Variants in SLC9C2 observed in about 807,000 individuals in gnomAD.
SLC9C2 encodes the protein sodium/hydrogen exchanger 11.
In SLC9C2, 75 loss-of-function variants were observed where a neutral mutation model predicts 140.2. The observed-to-expected ratio is 0.53, with a 90% CI of 0.44 to 0.65. The LOEUF (loss-of-function observed/expected upper bound fraction) is 0.65, where lower values mean the gene tolerates loss of function less well. Ranked by LOEUF, SLC9C2 falls within the 30% of genes least tolerant of loss-of-function variation. The pLI is 0.00. For synonymous variants in SLC9C2, 375 were observed against 420.9 expected (o/e 0.89, Z 1.34); for missense variants, 1,074 against 1,331.8 (o/e 0.81, Z 3.01).
intron 8 of SLC9C2, among the ~76,000 whole-genome samples, chr1:173,575,280 C>T (rs1437340733): frequency 6.6e-6 from 1 of 152,096 alleles, no homozygotes; most frequent in South Asian, 2.1e-4. Flanking sequence ...GACTTATTTT[C>T]GTGGCCCCAG....
In SLC9C2 at chr1:173,581,963, A is replaced by G. The variant is rs142884761; in HGVS notation, c.686T>C (p.Ile229Thr). The part of the protein sequence containing the change: ...IELSYDILGS[I>T]IFGYWCAKII... ...TTTTGCACACCAATATCCAAATATT[A>G]TGCTTCCCAAAATGTCATAGCTGAG... The change falls in exon 7 of 28, where the codon ATA becomes ACA. Residue 229 changes from isoleucine to threonine, a missense_variant. Transcript: ENST00000367714. 107 of 1,599,430 alleles carry G rather than the reference A, an allele frequency of 6.7e-5. No individual in the cohort carries two copies. Among genetic ancestry groups the G allele is most frequent in the Non-Finnish European group, 8.9e-5 (104 of 1,170,914 alleles).
intron 13 of SLC9C2, among the ~76,000 whole-genome samples, chr1:173,544,035 A>T (rs1662645040): frequency 1.3e-5 from 2 of 152,234 alleles, no homozygotes; most frequent in Non-Finnish European, 2.9e-5. Context: ...GAGCTTCTGC[A>T]CAGCAAAAGA....
intron 3 of SLC9C2, among the ~76,000 whole-genome samples, chr1:173,599,465 C>T (rs942910164): frequency 6.9e-6 from 1 of 145,358 alleles, no homozygotes; most frequent in African/African-American, 2.5e-5. Flanking sequence ...AGCTCCGTCT[C>T]CTGGGTTCAC....
rs1286223129 is a variant in SLC9C2 at position 173,537,018 on chromosome 1, T to TA, written c.1578dup (p.Asn527Ter). The TA allele has an allele frequency of 6.2e-7, 1 of 1,613,688 alleles. No individual in the cohort carries two copies. Among genetic ancestry groups the TA allele is most frequent in the Non-Finnish European group, 8.5e-7 (1 of 1,179,738 alleles). The stretch of plus-strand genomic sequence containing the variant: ...GCCTCTATTTCAAGAATTCCATTGT[T>TA]ACGCTGTTTTTCAAAGCTACTCTAA... On this transcript the variant is annotated frameshift_variant, in exon 14 of 28. Coordinates refer to ENST00000367714, the MANE Select transcript of SLC9C2 (RefSeq NM_178527.4). LOFTEE classifies it high-confidence loss of function.
chr1:173,597,061 T>G (rs1039463268), intron 4 of SLC9C2, among the ~76,000 whole-genome samples: 3 of 151,848 alleles, frequency 2.0e-5, no homozygotes, highest in Admixed American at 6.6e-5. Flanking sequence ...AACAATCTAC[T>G]GAACAAATTT....
chr1:173,569,858 C>T (rs142966586), intron 9 of SLC9C2, among the ~76,000 whole-genome samples: 46 of 152,222 alleles, frequency 3.0e-4, no homozygotes, highest in Non-Finnish European at 5.9e-4. Flanking sequence ...ATTGTGATTA[C>T]GCTGGTATTC....
chr1:173,514,084 T>C (rs1390009005), intron 23 of SLC9C2, among the ~76,000 whole-genome samples: 1 of 151,986 alleles, frequency 6.6e-6, no homozygotes. Context: ...TCCAATTCTG[T>C]GGTTGATTTT....
chr1:173,596,632 T>A (rs909858640), intron 4 of SLC9C2: 2 of 152,090 alleles, frequency 1.3e-5, no homozygotes, highest in Non-Finnish European at 2.9e-5. Flanking sequence ...TTACAATAAA[T>A]ACTAATGGAC....
In SLC9C2 at chr1:173,537,038, C is replaced by G; in HGVS notation, c.1559G>C (p.Ser520Thr). ...ATTGTTACGCTGTTTTTCAAAGCTA[C>G]TCTAAACATACATTAAATGAAGATT... ...ARLHVAAIQM[S>T]SFEKQRNNGI... The change falls in exon 14 of 28, where the codon AGT becomes ACT. Residue 520 changes from serine (S) to threonine (T), a missense_variant and splice_region_variant. Transcript: ENST00000367714. The G allele has an allele frequency of 6.2e-7, 1 of 1,609,584 alleles. No homozygotes were observed. The highest frequency in any genetic ancestry group is 1.7e-4 in the Middle Eastern group (1 of 6,012).
intron 19 of SLC9C2, 79 bp downstream of exon 19, chr1:173,526,584 A>C (rs1231947304): frequency 8.0e-7 from 1 of 1,248,526 alleles, no homozygotes; most frequent in Non-Finnish European, 1.1e-6. Context: ...AGTAAATGAA[A>C]GCATGAATTG....
At position 173,519,801 on chromosome 1, in the gene SLC9C2, T is replaced by C. The variant is rs2101939775; in HGVS notation, c.2739+1500A>G. 4.6e-5 allele frequency among the ~76,000 whole-genome samples: 7 copies of C among 152,208 alleles called. 2 individuals are homozygous for C. The highest frequency in any genetic ancestry group is 4.6e-4 in the Admixed American group (7 of 15,286). On this transcript the variant is annotated intron_variant, in intron 22 of 27. Coordinates refer to ENST00000367714, the MANE Select transcript of SLC9C2 (RefSeq NM_178527.4). ...GTAATCTTTGGCCTCTGAGTATGTG[T>C]AGTTGGGGCCAAGTGAATTTTTTTT...
At chr1:173,526,128 C>T (rs1661176286) in intron 19 of SLC9C2, among the ~76,000 whole-genome samples, 1 of 151,150 alleles carries the variant, frequency 6.6e-6, no homozygotes, top group African/African-American at 2.5e-5. Flanking sequence ...GGCCCACAGC[C>T]CCCCATGAGA....
At chr1:173,552,742 T>C (rs1571543880) in intron 11 of SLC9C2, among the ~76,000 whole-genome samples, 1 of 152,254 alleles carries the variant, frequency 6.6e-6, no homozygotes, top group African/African-American at 2.4e-5. Context: ...CACTTAGTCA[T>C]GCAAGAGCTC....
At chr1:173,546,952 C>G (rs1305901490) in intron 13 of SLC9C2, among the ~76,000 whole-genome samples, 1 of 152,016 alleles carries the variant, frequency 6.6e-6, no homozygotes, top group Non-Finnish European at 1.5e-5. Context: ...TAGGATGCAG[C>G]AGGTATTGGT....
chr1:173,501,638 G>T (rs1659281079), intron 27 of SLC9C2, among the ~76,000 whole-genome samples: 1 of 150,760 alleles, frequency 6.6e-6, no homozygotes, highest in South Asian at 2.1e-4. Flanking sequence ...AGCCTCCTGA[G>T]TAGCTGGAAC....
At chr1:173,544,972 G>A (rs377719508) in intron 13 of SLC9C2, among the ~76,000 whole-genome samples, 3 of 152,110 alleles carry the variant, frequency 2.0e-5, no homozygotes, top group Admixed American at 6.5e-5. Flanking sequence ...AAACCTGCAC[G>A]TTGTGCACAT....
intron 13 of SLC9C2, among the ~76,000 whole-genome samples, chr1:173,542,311 A>G (rs934018712): frequency 3.5e-5 from 5 of 143,134 alleles, no homozygotes; most frequent in Admixed American, 7.5e-5. Context: ...TAAACCAGGA[A>G]GAAGTTGAAT....
intron 17 of SLC9C2, among the ~76,000 whole-genome samples, chr1:173,533,213 T>G (rs1661710559): frequency 6.6e-6 from 1 of 152,176 alleles, no homozygotes; most frequent in Non-Finnish European, 1.5e-5. Flanking sequence ...GGTTTCTTAC[T>G]CACTTAACAC....
intron 12 of SLC9C2, 120 bp downstream of exon 12, chr1:173,548,269 A>C: frequency 3.1e-6 from 3 of 971,952 alleles, no homozygotes; most frequent in Non-Finnish European, 4.6e-6. Flanking sequence ...GCCAGTAACT[A>C]TCTCCCCTCA....
Sources: allele counts gnomAD v4.1 joint callset (sites outside exome capture counted in the v4.1 genomes callset), GRCh38; gene constraint gnomAD v4.1.1; transcripts MANE v1.5; gene names NCBI Gene and HGNC (gene_info 2026-07-23, HGNC 2026-07-21).